The following GALNT13 variants were observed in gnomAD, a reference collection of about 807,000 sequenced individuals.
GALNT13 encodes UDP-GalNAc:polypeptide N-acetylgalactosaminyltransferase 13.
In GALNT13, 28 loss-of-function variants were observed where a neutral mutation model predicts 64.2. That is an observed-to-expected ratio of 0.44 (90% CI 0.32 to 0.60). The LOEUF is 0.60. Among genes scored for constraint, GALNT13 ranks in the 20% least tolerant of loss-of-function variants. The probability of loss-of-function intolerance (pLI) is 0.05; values close to 1 mark genes in which losing one functional copy is unlikely to be tolerated. For synonymous variants in GALNT13, 214 were observed against 224.6 expected (o/e 0.95, Z 0.42); for missense variants, 577 against 669.8 (o/e 0.86, Z 1.53).
chr2:154,254,627 A>T (rs1690269766), intron 7 of GALNT13, among the ~76,000 whole-genome samples: 1 of 152,212 alleles, frequency 6.6e-6, no homozygotes, highest in Admixed American at 6.5e-5. Context: ...TAGGCATAAA[A>T]AATGTGGTTT....
chr2:153,547,562 GAC>G, the GALNT13 span, among the ~76,000 whole-genome samples: 3 of 152,246 alleles, frequency 2.0e-5, no homozygotes, highest in East Asian at 5.8e-4. Context: ...TAAAATTAAT[GAC>G]AGTTTATTAT....
intron 8 of GALNT13, among the ~76,000 whole-genome samples, chr2:154,269,820 T>TA (rs1356590324): frequency 6.0e-4 from 89 of 147,418 alleles, no homozygotes; most frequent in Admixed American, 3.0e-3. Flanking sequence ...TTTTTAAATT[T>TA]AAACCACAGA....
the GALNT13 span, among the ~76,000 whole-genome samples, chr2:153,121,661 T>C: frequency 3.3e-5 from 5 of 152,172 alleles, no homozygotes; most frequent in Non-Finnish European, 7.3e-5. Flanking sequence ...CCCAAGTAGC[T>C]GGGACTACAG....
At chr2:154,180,107 C>G (rs1317767050) in intron 4 of GALNT13, among the ~76,000 whole-genome samples, 6 of 152,086 alleles carry the variant, frequency 3.9e-5, no homozygotes, top group East Asian at 1.9e-4. Flanking sequence ...TTAAACCAAC[C>G]CAAACACACA....
At chr2:154,359,673 T>C (rs1696951900) in intron 9 of GALNT13, among the ~76,000 whole-genome samples, 1 of 152,130 alleles carries the variant, frequency 6.6e-6, no homozygotes, top group African/African-American at 2.4e-5. Context: ...TACATGTTAC[T>C]ATATTTTATT....
chr2:154,391,021 TCTTGG>T (rs1698765959), intron 9 of GALNT13, among the ~76,000 whole-genome samples: 1 of 152,226 alleles, frequency 6.6e-6, no homozygotes. Flanking sequence ...GTTACCTTAA[TCTTGG>T]CTTGGCCTCT....
rs539296594 is a variant in GALNT13 at position 154,254,953 on chromosome 2, A to T, written c.858-4068A>T. ...AGGACTAATTTCAGATGAGAGAAGAAATTATTAAATGCATATATCCACAAA... is the reference window on the plus strand; with the variant it reads ...AGGACTAATTTCAGATGAGAGAAGATATTATTAAATGCATATATCCACAAA... On this transcript the variant is annotated intron_variant, in intron 7 of 12. Coordinates refer to ENST00000392825, the MANE Select transcript of GALNT13 (RefSeq NM_052917.4). 2.0e-5 allele frequency among the ~76,000 whole-genome samples: 3 copies of T among 152,266 alleles called. No individual in the cohort carries two copies. In the South Asian group the frequency reaches 6.2e-4, roughly 32 times the overall value.
chr2:153,586,249 A>T, the GALNT13 span, among the ~76,000 whole-genome samples: 45 of 152,316 alleles, frequency 3.0e-4, no homozygotes, highest in South Asian at 8.9e-3. Flanking sequence ...TAAAAGATAT[A>T]AATTGATTGA....
chr2:153,832,643 TAATTA>T, the GALNT13 span, among the ~76,000 whole-genome samples: 1 of 152,150 alleles, frequency 6.6e-6, no homozygotes, highest in Non-Finnish European at 1.5e-5. Flanking sequence ...CAAAATGAAG[TAATTA>T]AATTAAAGCT....
At chr2:154,212,652 C>T (rs1342328034) in intron 4 of GALNT13, among the ~76,000 whole-genome samples, 1 of 151,918 alleles carries the variant, frequency 6.6e-6, no homozygotes, top group South Asian at 2.1e-4. Flanking sequence ...CCCTTTTCCT[C>T]ACCTTCTCTT....
At chr2:153,668,518 C>A in the GALNT13 span, among the ~76,000 whole-genome samples, 3 of 151,848 alleles carry the variant, frequency 2.0e-5, no homozygotes, top group Non-Finnish European at 2.9e-5. Flanking sequence ...CACTGAGGAA[C>A]TGGGACACAA....
chr2:154,210,957 T>C (rs983687719), intron 4 of GALNT13, among the ~76,000 whole-genome samples: 10 of 152,176 alleles, frequency 6.6e-5, no homozygotes, highest in Admixed American at 5.9e-4. Context: ...TGTATTATTA[T>C]TAGAGATGTT....
At chr2:153,339,620 C>T in the GALNT13 span, among the ~76,000 whole-genome samples, 3 of 152,078 alleles carry the variant, frequency 2.0e-5, no homozygotes, top group Non-Finnish European at 4.4e-5. Flanking sequence ...TAGTTTAATG[C>T]AATCCATTTG....
At chr2:153,680,688 A>G in the GALNT13 span, among the ~76,000 whole-genome samples, 2 of 151,838 alleles carry the variant, frequency 1.3e-5, no homozygotes, top group East Asian at 1.9e-4. Context: ...AAAATTCTCA[A>G]TTGACTGTGG....
At chr2:153,555,295 C>G in the GALNT13 span, among the ~76,000 whole-genome samples, 1 of 111,570 alleles carries the variant, frequency 9.0e-6, no homozygotes, top group Non-Finnish European at 1.9e-5. Flanking sequence ...CCCGGGTTCA[C>G]GCCATTCTCC....
At chr2:154,178,825 C>T (rs550051920) in intron 4 of GALNT13, among the ~76,000 whole-genome samples, 2 of 152,280 alleles carry the variant, frequency 1.3e-5, no homozygotes, top group South Asian at 4.1e-4. Context: ...CTTCTAAATG[C>T]AAATAGTAAT....
chr2:154,245,323 T>G (rs1472828215), intron 6 of GALNT13, among the ~76,000 whole-genome samples: 1 of 152,178 alleles, frequency 6.6e-6, no homozygotes, highest in Non-Finnish European at 1.5e-5. Flanking sequence ...TGTTTGTTGA[T>G]TTCTGTTTGT....
chr2:153,853,103 T>G, the GALNT13 span, among the ~76,000 whole-genome samples: 1 of 151,794 alleles, frequency 6.6e-6, no homozygotes, highest in South Asian at 2.1e-4. Flanking sequence ...GCTGAAGAAT[T>G]TAGAGTCCGA....
the GALNT13 span, among the ~76,000 whole-genome samples, chr2:153,725,524 A>G: frequency 6.6e-6 from 1 of 151,800 alleles, no homozygotes; most frequent in Non-Finnish European, 1.5e-5. Flanking sequence ...AAGATGCAGT[A>G]GTTCTTTTTA....
Sources: gnomAD v4.1 joint callset for allele counts (sites outside exome capture counted in the v4.1 genomes callset) on GRCh38, gnomAD v4.1.1 for gene constraint, MANE v1.5 for transcripts, NCBI Gene and HGNC (gene_info 2026-07-23, HGNC 2026-07-21) for gene names.